Variants in STAG2 observed in about 807,000 individuals in gnomAD.
STAG2 encodes the protein STAG2 cohesin complex component.
A neutral mutation model predicts 108.1 loss-of-function variants in STAG2; 14 were observed. The ratio of observed to expected loss-of-function variants is 0.13; its 90% CI spans 0.09 to 0.20. The LOEUF is 0.20. STAG2 is among the 10% of genes least tolerant of loss of function. The pLI, the probability that STAG2 is intolerant of heterozygous loss-of-function variation, is 1.00. For synonymous variants in STAG2, 307 were observed against 302.7 expected, an observed-to-expected ratio of 1.01 and a Z score of -0.15; for missense variants, 440 against 940.9, an observed-to-expected ratio of 0.47 and a Z score of 6.96.
At chrX:124,025,015 G>A (rs1031744290) in intron 3 of STAG2, among the ~76,000 whole-genome samples, 35 of 111,481 alleles carry the variant, frequency 3.1e-4, no homozygotes, top group Middle Eastern at 4.6e-3. Flanking sequence ...TAAATCGGTC[G>A]GCTTCCATAT....
intron 30 of STAG2, among the ~76,000 whole-genome samples, chrX:124,090,185 A>AAC (rs2059221684): frequency 9.7e-6 from 1 of 103,307 alleles, no homozygotes; most frequent in Admixed American, 1.1e-4. Flanking sequence ...AAAAAAAAAA[A>AAC]AGGTTTAGTC....
At chrX:124,100,220 G>C (rs746884493) in intron 34 of STAG2, among the ~76,000 whole-genome samples, 95 of 111,448 alleles carry the variant, frequency 8.5e-4, no homozygotes, top group Non-Finnish European at 1.9e-4. Flanking sequence ...ACCTGTGCCA[G>C]AAATATATGT....
chrX:124,054,170 C>A (rs1484968540), intron 13 of STAG2, among the ~76,000 whole-genome samples: 3 of 112,323 alleles, frequency 2.7e-5, no homozygotes, highest in Non-Finnish European at 5.6e-5. Flanking sequence ...TGTTCTCTAA[C>A]AAAGCATTGT....
chrX:124,034,663 G>A (rs1257466579), intron 5 of STAG2, among the ~76,000 whole-genome samples: 1 of 110,968 alleles, frequency 9.0e-6, no homozygotes, highest in East Asian at 2.8e-4. Context: ...AGGACTGAGC[G>A]AATCAAATGT....
Position 124,057,876 on chromosome X carries a change from C to A in STAG2, c.1315C>A (p.Arg439Ser). 8.6e-7 allele frequency: 1 copy of A among 1,158,050 alleles called. No individual in the cohort carries two copies. Among genetic ancestry groups the A allele is most frequent in the Non-Finnish European group, 1.2e-6 (1 of 867,266 alleles). Residue 439 changes from arginine (R) to serine (S), a missense_variant, in exon 15 of 35, where the codon CGT (arginine) becomes AGT (serine). By Grantham distance (110) the Arg-to-Ser change is moderately radical. Transcript: ENST00000371145. Reference sequence around the variant, plus strand: ...TTACTTTTTTCACAGGCTCTTCAGTCGTAGAGATCCAGAGGAGGATGGAAT... The same window carrying A: ...TTACTTTTTTCACAGGCTCTTCAGTAGTAGAGATCCAGAGGAGGATGGAAT... ...GEFLYKKLFSRRDPEEDGMMK... is the reference protein window; with the variant it reads ...GEFLYKKLFSSRDPEEDGMMK...
chrX:124,042,971 C>T (rs979145775), intron 7 of STAG2, among the ~76,000 whole-genome samples: 2 of 104,124 alleles, frequency 1.9e-5, no homozygotes, highest in African/African-American at 7.0e-5. Context: ...GCCGAGCTCT[C>T]GCCACTGTAC....
Position 124,100,224 on chromosome X carries a change from T to TA in STAG2, c.3784-349dup, listed in dbSNP as rs772957505. 1.9e-3 allele frequency among the ~76,000 whole-genome samples: 209 copies of TA among 111,701 alleles called. 3 individuals are homozygous for TA. The highest frequency in any genetic ancestry group is 9.6e-3 in the Admixed American group (100 of 10,456). ...CTTTCCAAGGAACCTGTGCCAGAAA[T>TA]ATATGTGAAGAAGCACATTCATTTA... On this transcript the variant is annotated intron_variant, in intron 34 of 34. Coordinates refer to ENST00000371145, the MANE Select transcript of STAG2 (RefSeq NM_001042750.2).
intron 1 of STAG2, among the ~76,000 whole-genome samples, chrX:123,969,036 A>G (rs751727395): frequency 8.9e-6 from 1 of 112,206 alleles, no homozygotes; most frequent in South Asian, 3.7e-4. Flanking sequence ...GAGAGCATGC[A>G]TTCTTATTTT....
At chrX:124,014,979 CTT>C (rs34997317) in intron 1 of STAG2, among the ~76,000 whole-genome samples, 1 of 44,522 alleles carries the variant, frequency 2.2e-5, no homozygotes, top group African/African-American at 9.7e-5. Context: ...ACGTACTTTT[CTT>C]TTTTTTTTTT....
intron 11 of STAG2, 96 bp downstream of exon 11, chrX:124,050,405 A>T (rs1243944881): frequency 1.1e-6 from 1 of 915,478 alleles, no homozygotes; most frequent in East Asian, 3.6e-5. Flanking sequence ...ATACCTGGTG[A>T]CACATTTCTG....
At chrX:124,064,193 C>A in intron 20 of STAG2, 142 bp downstream of exon 20, 1 of 447,921 alleles carries the variant, frequency 2.2e-6, no homozygotes, top group Non-Finnish European at 3.8e-6. Context: ...TTCTATGACT[C>A]ATCAGGCTAC....
chrX:124,061,774 T>TTAAAAAA lies in STAG2; in HGVS notation c.1538_1539insTAAAAAA (p.Thr514LysfsTer5). ...TTTTTTTTTTTTTTTTTTTTAGCAC[T>TTAAAAAA]AACAGATAGGCAAGAGAGTGCTCTG... On this transcript the variant is annotated frameshift_variant, in exon 17 of 35. Coordinates refer to ENST00000371145, the MANE Select transcript of STAG2 (RefSeq NM_001042750.2). LOFTEE classifies it high-confidence loss of function. 1 of 563,183 alleles carries TTAAAAAA rather than the reference T, an allele frequency of 1.8e-6. No individual in the cohort carries two copies. Among genetic ancestry groups the TTAAAAAA allele is most frequent in the Non-Finnish European group, 2.7e-6 (1 of 373,354 alleles). 46.4% of individuals were successfully genotyped at this position (563,183 alleles called of 1,213,427 possible).
chrX:124,007,694 C>T (rs1374691663), intron 1 of STAG2, among the ~76,000 whole-genome samples: 1 of 112,320 alleles, frequency 8.9e-6, no homozygotes, highest in Non-Finnish European at 1.9e-5. Context: ...TTTGTGCAAA[C>T]AAATACATCC....
intron 25 of STAG2, among the ~76,000 whole-genome samples, chrX:124,073,280 G>A (rs1487079512): frequency 1.8e-5 from 2 of 111,756 alleles, no homozygotes; most frequent in Admixed American, 9.5e-5. Context: ...GTACATAACC[G>A]TTTTGTTAAT....
At chrX:124,097,746 G>A in intron 34 of STAG2, 1 of 322,532 alleles carries the variant, frequency 3.1e-6, no homozygotes, top group Non-Finnish European at 6.1e-6. Context: ...AGATCATTTA[G>A]TGACTTTGCT....
At position 124,066,371 on chromosome X, in the gene STAG2, C is replaced by T. The variant is rs1375239332; in HGVS notation, c.2200C>T (p.Leu734=). Residue 734 remains leucine, a synonymous_variant, in exon 23 of 35, where the codon CTG becomes TTG. Coordinates refer to ENST00000371145, the MANE Select transcript of STAG2 (RefSeq NM_001042750.2). ...CTTTTTACAGATTGTTATTCACGCA[C>T]TGCAGTGTACTCACTATGTAATCCT... ...DMPEQIVIHA[L]QCTHYVILWQ... 3.3e-6 allele frequency: 4 copies of T among 1,203,195 alleles called. No individual in the cohort carries two copies. The highest frequency in any genetic ancestry group is 2.2e-5 in the Admixed American group (1 of 45,311).
chrX:124,028,822 A>ATATATATATATATATATATATT (rs1296806013), intron 4 of STAG2, among the ~76,000 whole-genome samples: 2 of 38,986 alleles, frequency 5.1e-5, no homozygotes, highest in African/African-American at 2.2e-4. Context: ...ATATATATAT[A>ATATATATATATATATATATATT]TTTTTTTTTT....
chrX:123,994,803 T>A (rs986342861), intron 1 of STAG2, among the ~76,000 whole-genome samples: 1 of 112,048 alleles, frequency 8.9e-6, no homozygotes, highest in Non-Finnish European at 1.9e-5. Context: ...AAGCCTAGAT[T>A]CTTGCCTCTT....
At chrX:124,081,976 C>T (rs1191431878) in intron 28 of STAG2, among the ~76,000 whole-genome samples, 3 of 111,831 alleles carry the variant, frequency 2.7e-5, no homozygotes, top group Non-Finnish European at 5.6e-5. Context: ...GGGGACAGAG[C>T]GAGGCTCTGT....
Sources: allele counts gnomAD v4.1 joint callset (sites outside exome capture counted in the v4.1 genomes callset), GRCh38; gene constraint gnomAD v4.1.1; transcripts MANE v1.5; gene names NCBI Gene and HGNC (gene_info 2026-07-23, HGNC 2026-07-21).